Variants in MTF1 observed in about 807,000 individuals in gnomAD.
MTF1 encodes the protein metal regulatory transcription factor 1.
Under a neutral mutation model 70.4 loss-of-function variants are expected in MTF1, and 22 were observed. That is an observed-to-expected ratio of 0.31 (90% confidence interval 0.22 to 0.45). The LOEUF (loss-of-function observed/expected upper bound fraction) is 0.45. Among genes scored for constraint, MTF1 ranks in the 20% least tolerant of loss-of-function variants. The pLI is 1.00. For missense variants in MTF1, 649 were observed against 922.0 expected (o/e 0.70, Z 3.83); for synonymous variants, 333 against 352.8 (o/e 0.94, Z 0.63).
At chr1:37,854,973 C>A (rs185672580) in intron 2 of MTF1, among the ~76,000 whole-genome samples, 2 of 152,092 alleles carry the variant, frequency 1.3e-5, no homozygotes, top group African/African-American at 4.8e-5. Flanking sequence ...GCAGGAGAAT[C>A]GCTTGAACCT....
intron 2 of MTF1, among the ~76,000 whole-genome samples, chr1:37,856,755 C>T (rs1317841174): frequency 6.6e-6 from 1 of 152,096 alleles, no homozygotes; most frequent in African/African-American, 2.4e-5. Context: ...CCGCCTCAGC[C>T]TCCCAAAGTG....
intron 7 of MTF1, 31 bp from the exon 8 acceptor site, chr1:37,823,843 G>T (rs749923249): frequency 1.3e-6 from 2 of 1,502,262 alleles, no homozygotes; most frequent in Non-Finnish European, 1.9e-6. Context: ...TGTGAGATTG[G>T]CCATCTTGAG....
intron 7 of MTF1, among the ~76,000 whole-genome samples, chr1:37,830,978 A>T (rs1280249764): frequency 6.6e-6 from 1 of 152,202 alleles, no homozygotes; most frequent in Non-Finnish European, 1.5e-5. Flanking sequence ...TGGTTATTCA[A>T]GCCAGTAAGA....
Position 37,857,468 on chromosome 1 carries a change from T to C in MTF1, c.191A>G (p.Asp64Gly), listed in dbSNP as rs766277342. The C allele has an allele frequency of 6.2e-7, 1 of 1,614,144 alleles. No individual in the cohort carries two copies. Residue 64 changes from aspartate to glycine, a missense_variant, in exon 2 of 11, where the codon GAC becomes GGC. By Grantham distance (94) the Asp-to-Gly change is moderately conservative. Around this residue, in one of 7 missense-constraint regions of MTF1, gnomAD observed 44 missense variants for 38.1 expected, o/e 1.15. Transcript: ENST00000373036. ...AGGCAAGTGTTCTCCGCACTGTCCG[T>C]CGTCATCTTCATCCTCCAAAGTGCC... ...DPGTLEDEDD[D>G]GQCGEHLPFL...
chr1:37,856,228 A>C (rs946590260), intron 2 of MTF1, among the ~76,000 whole-genome samples: 2 of 113,252 alleles, frequency 1.8e-5, no homozygotes, highest in Non-Finnish European at 3.3e-5. Flanking sequence ...TCCAGCCTGG[A>C]GTGCAGTGGC....
chr1:37,823,668 G>T, intron 8 of MTF1, 42 bp downstream of exon 8: 1 of 1,421,464 alleles, frequency 7.0e-7, no homozygotes, highest in Non-Finnish European at 9.9e-7. Flanking sequence ...CAGTGTGTCA[G>T]CAAGTGCTTA....
chr1:37,830,937 A>G (rs1172862430), intron 7 of MTF1, among the ~76,000 whole-genome samples: 2 of 152,144 alleles, frequency 1.3e-5, no homozygotes, highest in African/African-American at 4.8e-5. Context: ...TTCACTTTCC[A>G]GGTGCTGTGG....
rs150889999 is a variant in MTF1, at chr1:37,848,535, G to C, written c.409-8377C>G. Among the ~76,000 whole-genome samples the C allele has an allele frequency of 5.8e-3, 879 of 152,302 alleles. 10 individuals are homozygous for C. The highest frequency in any genetic ancestry group is 0.019 in the African/African-American group (810 of 41,556). ...TGCCAATGTCATATAACAGCAAAAT[G>C]TTGGCAGTACTTAATATGTACAACC... On this transcript the variant is annotated intron_variant, in intron 2 of 10. Transcript: ENST00000373036.
In MTF1 at chr1:37,810,819, G is replaced by A. The variant is rs1432778298; in HGVS notation, c.*4317C>T. The A allele has an allele frequency of 6.6e-6, 1 of 152,218 alleles. No individual in the cohort carries two copies. The highest frequency in any genetic ancestry group is 2.4e-5 in the African/African-American group (1 of 41,438). 9.4% of individuals were successfully genotyped at this position (152,218 alleles called of 1,614,324 possible). ...GAAGAAAGTTGATAATGATTCATGG[G>A]ATGTAATGTTTGTTTATAGGATTTA... On this transcript the variant is annotated 3_prime_UTR_variant, in exon 11 of 11. Coordinates refer to ENST00000373036, the MANE Select transcript of MTF1 (RefSeq NM_005955.3).
At chr1:37,836,172 TA>T (rs1481224236) in intron 4 of MTF1, among the ~76,000 whole-genome samples, 1 of 152,092 alleles carries the variant, frequency 6.6e-6, no homozygotes, top group Non-Finnish European at 1.5e-5. Context: ...ACACTGGTTT[TA>T]GAGATGGGAA....
chr1:37,818,437 G>C (rs1640853373), intron 9 of MTF1, among the ~76,000 whole-genome samples: 1 of 152,234 alleles, frequency 6.6e-6, no homozygotes, highest in Non-Finnish European at 1.5e-5. Flanking sequence ...AGGCGCAGTG[G>C]CTCACGCCTG....
At chr1:37,829,895 G>A (rs1461936332) in intron 7 of MTF1, among the ~76,000 whole-genome samples, 1 of 152,172 alleles carries the variant, frequency 6.6e-6, no homozygotes, top group Non-Finnish European at 1.5e-5. Flanking sequence ...CTGGGTACCA[G>A]GAGCATGATC....
chr1:37,837,163 C>T (rs1569867354), intron 4 of MTF1, among the ~76,000 whole-genome samples: 1 of 152,196 alleles, frequency 6.6e-6, no homozygotes, highest in South Asian at 2.1e-4. Flanking sequence ...CAGGCTCAAG[C>T]AATCTTCCCA....
chr1:37,824,004 AT>A (rs1294997353), intron 7 of MTF1, among the ~76,000 whole-genome samples, 192 bp from the exon 8 acceptor site: 3 of 152,108 alleles, frequency 2.0e-5, no homozygotes, highest in Non-Finnish European at 4.4e-5. Context: ...CAAATACTTT[AT>A]TTTTATTTAT....
intron 2 of MTF1, among the ~76,000 whole-genome samples, chr1:37,844,374 A>G (rs972386801): frequency 1.2e-4 from 18 of 152,242 alleles, no homozygotes; most frequent in African/African-American, 4.1e-4. Flanking sequence ...CGCGAGCCTC[A>G]GGAACTACAC....
At position 37,840,609 on chromosome 1, in the gene MTF1, T is replaced by G. The variant is rs1375235104; in HGVS notation, c.409-451A>C. On this transcript the variant is annotated intron_variant, in intron 2 of 10. Transcript: ENST00000373036. The surrounding 1 kb of genome is among the most constrained non-coding windows in gnomAD (Gnocchi z 4.5). ...TTTACATACTTAATCATCAAACATA[T>G]TTCCCTAGATTGTTTCCACTGCATA... The G allele has an allele frequency of 2.4e-6, 1 of 411,832 alleles. No homozygotes were observed. Among genetic ancestry groups the G allele is most frequent in the African/African-American group, 2.1e-5 (1 of 48,266 alleles). The allele number at this position is 411,832 out of a possible 1,614,324, so 25.5% of individuals were successfully genotyped here.
At chr1:37,847,030 TATC>T (rs1313904303) in intron 2 of MTF1, among the ~76,000 whole-genome samples, 1 of 152,220 alleles carries the variant, frequency 6.6e-6, no homozygotes, top group Non-Finnish European at 1.5e-5. Context: ...CCGGCACTGG[TATC>T]ATTTCTTCTC....
chr1:37,826,548 C>T (rs1299170388), intron 7 of MTF1: 2 of 455,142 alleles, frequency 4.4e-6, no homozygotes, highest in Non-Finnish European at 8.8e-6. Context: ...ACTGGGATTA[C>T]AAGTATGAGC....
At chr1:37,839,052 C>T (rs1641216726) in intron 3 of MTF1, among the ~76,000 whole-genome samples, 1 of 152,022 alleles carries the variant, frequency 6.6e-6, no homozygotes, top group Non-Finnish European at 1.5e-5. Flanking sequence ...GATCCGCCTG[C>T]CTCGGCCTCC....
Sources: gnomAD v4.1 joint callset for allele counts (sites outside exome capture counted in the v4.1 genomes callset) on GRCh38, gnomAD v4.1.1 for gene constraint, gnomAD v4.1.1 regional missense constraint, Gnocchi (gnomAD v3.1) non-coding constraint, MANE v1.5 for transcripts, NCBI Gene and HGNC (gene_info 2026-07-23, HGNC 2026-07-21) for gene names.